The following XPR1 variants were observed in gnomAD, a reference collection of about 807,000 sequenced individuals.
XPR1 encodes the protein solute carrier family 53 member 1.
A neutral mutation model predicts 87.5 loss-of-function variants in XPR1; 28 were observed. That is an observed-to-expected ratio of 0.32 (90% CI 0.24 to 0.44). The LOEUF (loss-of-function observed/expected upper bound fraction) is 0.44, where lower values mean the gene tolerates loss of function less well. Among genes scored for constraint, XPR1 ranks in the 20% least tolerant of loss-of-function variants. The probability of loss-of-function intolerance (pLI) is 1.00; values close to 1 mark genes in which losing one functional copy is unlikely to be tolerated. For synonymous variants in XPR1, 300 were observed against 306.1 expected (o/e 0.98, Z 0.21); for missense variants, 559 against 862.3 (o/e 0.65, Z 4.41).
intron 7 of XPR1, among the ~76,000 whole-genome samples, chr1:180,818,895 G>A (rs1299167435): frequency 6.6e-6 from 1 of 152,116 alleles, no homozygotes; most frequent in Non-Finnish European, 1.5e-5. Flanking sequence ...GAAAGTTTTG[G>A]ATCTTTGATG....
In XPR1 at chr1:180,887,623, C is replaced by T. The variant is rs1313986816; in HGVS notation, c.*3557C>T. 1.3e-5 allele frequency: 2 copies of T among 152,182 alleles called. No homozygotes were observed. Among genetic ancestry groups the T allele is most frequent in the African/African-American group, 4.8e-5 (2 of 41,448 alleles). 9.4% of individuals were successfully genotyped at this position (152,182 alleles called of 1,614,324 possible). A position where few individuals can be genotyped will look rare whatever the true frequency, so the allele number is the denominator to read the frequency against. ...TTTTTTTCAGCACTCTACCATTAGG[C>T]TCCTTAGGCAAGCTGCTTAACTTCC... On this transcript the variant is annotated 3_prime_UTR_variant, in exon 15 of 15. Transcript: ENST00000367590.
chr1:180,873,547 A>G lies in XPR1; in HGVS notation c.1669-256A>G, dbSNP rs13375645. 1.3e-3 allele frequency among the ~76,000 whole-genome samples: 195 copies of G among 152,354 alleles called. 1 individual carries two copies. Among genetic ancestry groups the G allele is most frequent in the African/African-American group, 4.6e-3 (191 of 41,582 alleles). On this transcript the variant is annotated intron_variant, in intron 12 of 14. Transcript: ENST00000367590. ...CTGGTATACAGTATGGCAGTGAAAT[A>G]TATTTGTTAATGATTACTCAAATTC...
At chr1:180,658,805 G>A (rs909860380) in intron 1 of XPR1, among the ~76,000 whole-genome samples, 2 of 150,950 alleles carry the variant, frequency 1.3e-5, no homozygotes, top group Non-Finnish European at 1.5e-5. Context: ...TCCTGACCTC[G>A]TGATCCACCC....
intron 2 of XPR1, among the ~76,000 whole-genome samples, chr1:180,706,697 C>A (rs542551660): frequency 1.3e-5 from 2 of 152,040 alleles, no homozygotes; most frequent in African/African-American, 4.8e-5. Flanking sequence ...CTGCAACCTC[C>A]GCCTTCCGAG....
intron 2 of XPR1, among the ~76,000 whole-genome samples, chr1:180,722,822 T>C (rs1280773830): frequency 3.3e-5 from 5 of 152,208 alleles, no homozygotes; most frequent in Non-Finnish European, 4.4e-5. Flanking sequence ...CTAGTGTGTT[T>C]TGGACAGGTG....
intron 11 of XPR1, among the ~76,000 whole-genome samples, chr1:180,852,846 G>C (rs1242702975): frequency 6.6e-6 from 1 of 152,120 alleles, no homozygotes; most frequent in South Asian, 2.1e-4. Flanking sequence ...ACTTATTACA[G>C]TATATTATGA....
intron 2 of XPR1, among the ~76,000 whole-genome samples, chr1:180,740,276 T>G (rs1658871557): frequency 6.6e-6 from 1 of 152,184 alleles, no homozygotes; most frequent in Non-Finnish European, 1.5e-5. Context: ...TTAGTTATAA[T>G]GTTTGCTGCA....
At chr1:180,834,093 T>C (rs1651180627) in intron 9 of XPR1, among the ~76,000 whole-genome samples, 1 of 152,088 alleles carries the variant, frequency 6.6e-6, no homozygotes, top group Admixed American at 6.5e-5. Context: ...ATAATTTTTT[T>C]TTTTTTTGAG....
chr1:180,835,568 G>A (rs1651255279), intron 10 of XPR1, among the ~76,000 whole-genome samples: 1 of 152,024 alleles, frequency 6.6e-6, no homozygotes, highest in Admixed American at 6.5e-5. Context: ...ATCTCATTGA[G>A]ATAGAATATG....
chr1:180,768,826 C>CT (rs1438788154), intron 2 of XPR1, among the ~76,000 whole-genome samples: 5 of 152,162 alleles, frequency 3.3e-5, no homozygotes, highest in African/African-American at 1.2e-4. Context: ...CCATGTACTA[C>CT]TTTAGGTTAT....
chr1:180,632,674 C>T (rs989559732), intron 1 of XPR1, among the ~76,000 whole-genome samples: 1 of 152,252 alleles, frequency 6.6e-6, no homozygotes, highest in African/African-American at 2.4e-5. Flanking sequence ...GGGCGAGCGC[C>T]CCCTCGCCAA....
chr1:180,638,267 A>T (rs7513282), intron 1 of XPR1, among the ~76,000 whole-genome samples: 1 of 152,212 alleles, frequency 6.6e-6, no homozygotes, highest in South Asian at 2.1e-4. Context: ...TTGTACACAG[A>T]TACAGATGGG....
At chr1:180,818,157 C>T (rs1040416503) in intron 7 of XPR1, among the ~76,000 whole-genome samples, 2 of 152,178 alleles carry the variant, frequency 1.3e-5, no homozygotes, top group Admixed American at 6.5e-5. Context: ...TTCAGAAGAT[C>T]TGGAGTGAGA....
chr1:180,827,880 A>AT (rs11445781), intron 9 of XPR1, among the ~76,000 whole-genome samples: 134,281 of 142,816 alleles, frequency 0.94, 63,602 homozygotes, highest in South Asian at 0.99. Flanking sequence ...TTTTTCTTTA[A>AT]TTTTTTTTTT....
intron 1 of XPR1, among the ~76,000 whole-genome samples, chr1:180,671,280 T>C (rs1656160040): frequency 6.6e-6 from 1 of 152,170 alleles, no homozygotes; most frequent in South Asian, 2.1e-4. Flanking sequence ...GGCAGCATTT[T>C]GTAAGATCTG....
intron 9 of XPR1, among the ~76,000 whole-genome samples, chr1:180,827,947 G>T (rs1261258584): frequency 1.3e-5 from 2 of 149,674 alleles, no homozygotes; most frequent in African/African-American, 4.9e-5. Context: ...CGTGATCTCA[G>T]CTCACTGCAA....
chr1:180,860,920 A>T (rs1233443885), intron 11 of XPR1, among the ~76,000 whole-genome samples: 1 of 152,176 alleles, frequency 6.6e-6, no homozygotes, highest in Non-Finnish European at 1.5e-5. Context: ...GAGAAATACC[A>T]GAAAATTAGC....
At chr1:180,759,182 C>T (rs949713784) in intron 2 of XPR1, among the ~76,000 whole-genome samples, 1 of 152,124 alleles carries the variant, frequency 6.6e-6, no homozygotes, top group Non-Finnish European at 1.5e-5. Context: ...CTAAAATTGA[C>T]ACCCTAACAT....
At chr1:180,793,937 C>T (rs1033075957) in intron 3 of XPR1, among the ~76,000 whole-genome samples, 2 of 151,960 alleles carry the variant, frequency 1.3e-5, no homozygotes, top group Admixed American at 1.3e-4. Context: ...TGAGGAATGT[C>T]TATGGTCATG....
Sources: gnomAD v4.1 joint callset for allele counts (sites outside exome capture counted in the v4.1 genomes callset) on GRCh38, gnomAD v4.1.1 for gene constraint, MANE v1.5 for transcripts, NCBI Gene and HGNC (gene_info 2026-07-23, HGNC 2026-07-21) for gene names.